EIF4G3: variants seen among roughly 807,000 people sequenced by gnomAD.
The protein encoded by EIF4G3 is eIF-4-gamma 3.
A neutral mutation model predicts 186.4 loss-of-function variants in EIF4G3; 34 were observed. The ratio of observed to expected loss-of-function variants is 0.18; its 90% confidence interval spans 0.14 to 0.24. EIF4G3 has a LOEUF of 0.24. EIF4G3 is among the 10% of genes least tolerant of loss of function. The pLI is 1.00. For synonymous variants in EIF4G3, 673 were observed against 679.5 expected, an observed-to-expected ratio of 0.99 and a Z score of 0.15; for missense variants, 1,536 against 1,948.5, an observed-to-expected ratio of 0.79 and a Z score of 3.99.
intron 3 of EIF4G3, among the ~76,000 whole-genome samples, chr1:21,070,586 T>C (rs1425075812): frequency 2.0e-5 from 3 of 151,898 alleles, no homozygotes; most frequent in Admixed American, 6.6e-5. Flanking sequence ...TTCTTAACTA[T>C]TAATTTTTTA....
At chr1:21,086,914 G>A (rs1157896094) in intron 3 of EIF4G3, among the ~76,000 whole-genome samples, 3 of 150,312 alleles carry the variant, frequency 2.0e-5, no homozygotes, top group African/African-American at 4.9e-5. Flanking sequence ...ACTCCAGCCT[G>A]GGCAACAGAG....
intron 30 of EIF4G3, among the ~76,000 whole-genome samples, chr1:20,839,632 T>C (rs1430113532): frequency 6.6e-6 from 1 of 152,110 alleles, no homozygotes; most frequent in Non-Finnish European, 1.5e-5. Context: ...GTAGCTGGGA[T>C]TGCAGGCTCA....
At chr1:20,961,150 C>T (rs1239322057) in intron 12 of EIF4G3, among the ~76,000 whole-genome samples, 1 of 151,974 alleles carries the variant, frequency 6.6e-6, no homozygotes, top group Non-Finnish European at 1.5e-5. Flanking sequence ...TTTGGGAGGC[C>T]GAGGTGGGCG....
intron 2 of EIF4G3, among the ~76,000 whole-genome samples, chr1:21,145,037 G>A (rs1174597609): frequency 6.6e-6 from 1 of 152,044 alleles, no homozygotes; most frequent in East Asian, 1.9e-4. Context: ...TAGCACTTTG[G>A]GAAGCCAAGG....
At chr1:21,124,229 AAGCCAAGGTTGCACTACTGCACTCC>A (rs2096982660) in intron 2 of EIF4G3, among the ~76,000 whole-genome samples, 1 of 152,018 alleles carries the variant, frequency 6.6e-6, no homozygotes, top group African/African-American at 2.4e-5. Context: ...CGGAGGCAGT[AAGCCAAGGTTGCACTACTGCACTCC>A]AGCCTGGGTG....
intron 4 of EIF4G3, among the ~76,000 whole-genome samples, chr1:21,032,067 A>C (rs1001558985): frequency 6.6e-6 from 1 of 152,222 alleles, no homozygotes; most frequent in Non-Finnish European, 1.5e-5. Context: ...CTTTAAAAAC[A>C]GGTTTAAAGA....
intron 29 of EIF4G3, among the ~76,000 whole-genome samples, chr1:20,847,364 C>T (rs929265659): frequency 6.6e-6 from 1 of 152,162 alleles, no homozygotes; most frequent in Non-Finnish European, 1.5e-5. Flanking sequence ...AAAGATACAA[C>T]GATTCTGCCC....
chr1:20,816,110 C>T (rs2060725055), intron 34 of EIF4G3, among the ~76,000 whole-genome samples: 1 of 135,564 alleles, frequency 7.4e-6, no homozygotes, highest in African/African-American at 2.8e-5. Flanking sequence ...GGGGGATCAG[C>T]CCCCCGCCCG....
At position 21,083,037 on chromosome 1, in the gene EIF4G3, C is replaced by CAAAAAAAAAAAAA. The variant is rs544781256; in HGVS notation, c.-196+6088_-196+6100dup. Reference sequence around the variant, plus strand: ...TGGGAGACACAGCGAGACTCTGTCTCAAAAAAAAAAAAAAAAAAAAAAAAA... The same window carrying CAAAAAAAAAAAAA: ...TGGGAGACACAGCGAGACTCTGTCTCAAAAAAAAAAAAAAAAAAAAAAAAAAAAAAAAAAAAAA... On this transcript the variant is annotated intron_variant, in intron 3 of 36. Coordinates refer to ENST00000602326, the MANE Select transcript of EIF4G3 (RefSeq NM_001391906.1). Among the ~76,000 whole-genome samples, 36 of 66,424 alleles carry CAAAAAAAAAAAAA rather than the reference C, an allele frequency of 5.4e-4. 1 individual carries two copies. The highest frequency in any genetic ancestry group is 1.4e-3 in the South Asian group (2 of 1,466). The allele number at this position is 66,424 out of a possible 152,430, so 43.6% of individuals were successfully genotyped here. A position where few individuals can be genotyped will look rare whatever the true frequency, so the allele number is the denominator to read the frequency against.
rs959697265 is a variant in EIF4G3, at chr1:20,864,717, T to C, written c.2770-5A>G. On this transcript the variant is annotated splice_polypyrimidine_tract_variant and splice_region_variant and intron_variant, in intron 21 of 36. Coordinates refer to ENST00000602326, the MANE Select transcript of EIF4G3 (RefSeq NM_001391906.1). ...AAGCCTTGTCCTCTCCTCTGGCTGT[T>C]GTGTAAGGAGGAATAATAGCATCTT... is the stretch of plus-strand genomic sequence containing the variant. The C allele has an allele frequency of 1.2e-6, 2 of 1,608,952 alleles. No individual in the cohort carries two copies. Among genetic ancestry groups the C allele is most frequent in the African/African-American group, 1.3e-5 (1 of 74,772 alleles).
chr1:21,044,145 C>T (rs2093739310), intron 4 of EIF4G3, among the ~76,000 whole-genome samples: 1 of 152,152 alleles, frequency 6.6e-6, no homozygotes. Context: ...GTACTGACTG[C>T]ACTGAGTTGG....
intron 2 of EIF4G3, among the ~76,000 whole-genome samples, chr1:21,156,702 A>G (rs2097667146): frequency 6.6e-6 from 1 of 152,172 alleles, no homozygotes. Context: ...TTCCTTTATG[A>G]TAGCTTTCAT....
chr1:20,833,692 G>C (rs1419208885), intron 30 of EIF4G3, among the ~76,000 whole-genome samples: 1 of 152,066 alleles, frequency 6.6e-6, no homozygotes, highest in Non-Finnish European at 1.5e-5. Context: ...CAGAGCCAAA[G>C]ACAAAAACCA....
At chr1:20,996,228 G>A (rs550116539) in intron 7 of EIF4G3, among the ~76,000 whole-genome samples, 8 of 152,032 alleles carry the variant, frequency 5.3e-5, no homozygotes, top group South Asian at 2.1e-4. Context: ...TACTGTCTCC[G>A]TTTTACAGGT....
intron 13 of EIF4G3, among the ~76,000 whole-genome samples, chr1:20,945,968 AGAG>A (rs2095930425): frequency 6.6e-6 from 1 of 152,244 alleles, no homozygotes; most frequent in African/African-American, 2.4e-5. Flanking sequence ...GTTTCCATAA[AGAG>A]TGCCAAATTT....
chr1:20,941,208 G>GCAA, intron 14 of EIF4G3: 1 of 1,513,746 alleles, frequency 6.6e-7, no homozygotes, highest in Non-Finnish European at 8.8e-7. Flanking sequence ...TATGAATGAG[G>GCAA]CAATAGCAAC....
intron 3 of EIF4G3, among the ~76,000 whole-genome samples, chr1:21,058,980 T>C (rs1361663731): frequency 6.6e-6 from 1 of 151,920 alleles, no homozygotes; most frequent in Non-Finnish European, 1.5e-5. Context: ...ACTGTTTTTA[T>C]TCTATATATT....
chr1:21,139,482 T>C (rs963801223), intron 2 of EIF4G3, among the ~76,000 whole-genome samples: 5 of 152,036 alleles, frequency 3.3e-5, no homozygotes, highest in African/African-American at 9.6e-5. Flanking sequence ...ACTTAAACAA[T>C]AGGCTCTAAA....
intron 20 of EIF4G3, among the ~76,000 whole-genome samples, chr1:20,873,860 G>A (rs1477650281): frequency 1.3e-5 from 2 of 151,632 alleles, no homozygotes; most frequent in Non-Finnish European, 2.9e-5. Context: ...CCCCCAAAAA[G>A]CCCTGGTGTG....
Sources: gnomAD v4.1 joint callset for allele counts (sites outside exome capture counted in the v4.1 genomes callset) on GRCh38, gnomAD v4.1.1 for gene constraint, MANE v1.5 for transcripts, NCBI Gene and HGNC (gene_info 2026-07-23, HGNC 2026-07-21) for gene names.